KALRN: variants seen among roughly 807,000 people sequenced by gnomAD.
KALRN encodes the protein kalirin.
Under a neutral mutation model 353.7 loss-of-function variants are expected in KALRN, and 70 were observed. The ratio of observed to expected loss-of-function variants is 0.20; its 90% CI spans 0.16 to 0.24. The LOEUF is 0.24. KALRN is among the 10% of genes least tolerant of loss of function. The pLI is 1.00. For missense variants in KALRN, 2,791 were observed against 3,756.7 expected, an observed-to-expected ratio of 0.74 and a Z score of 6.72; for synonymous variants, 1,391 against 1,434.8, an observed-to-expected ratio of 0.97 and a Z score of 0.69.
At chr3:124,533,620 G>A (rs1417864219) in intron 33 of KALRN, among the ~76,000 whole-genome samples, 4 of 152,170 alleles carry the variant, frequency 2.6e-5, no homozygotes, top group Admixed American at 1.3e-4. Context: ...ACTCCAGCCC[G>A]GGTGATGGGA....
At chr3:124,565,777 G>T (rs1995321) in intron 34 of KALRN, among the ~76,000 whole-genome samples, 6 of 152,100 alleles carry the variant, frequency 3.9e-5, no homozygotes, top group South Asian at 2.1e-4. Flanking sequence ...GTGCAACTTC[G>T]CAGGAGCAAA....
chr3:124,036,537 G>A (rs867773974), intron 1 of KALRN, among the ~76,000 whole-genome samples: 4 of 151,750 alleles, frequency 2.6e-5, no homozygotes, highest in East Asian at 1.9e-4. Flanking sequence ...ATGCATATGC[G>A]TTGGTGGAGA....
intron 33 of KALRN, among the ~76,000 whole-genome samples, chr3:124,532,620 A>G (rs1369994952): frequency 1.3e-5 from 2 of 152,148 alleles, no homozygotes; most frequent in Admixed American, 6.5e-5. Flanking sequence ...AGCCTGGCCA[A>G]TGTGGTGAAA....
At chr3:124,587,870 T>A (rs1170811200) in intron 34 of KALRN, among the ~76,000 whole-genome samples, 1 of 147,792 alleles carries the variant, frequency 6.8e-6, no homozygotes, top group African/African-American at 2.4e-5. Flanking sequence ...AATATTTTTA[T>A]TTTTTGTAGA....
At chr3:124,511,305 A>G (rs994021557) in intron 33 of KALRN, among the ~76,000 whole-genome samples, 3 of 152,152 alleles carry the variant, frequency 2.0e-5, no homozygotes, top group South Asian at 4.1e-4. Context: ...CCAACTGTCT[A>G]TGACATAACT....
chr3:124,316,344 G>A (rs537499772), intron 6 of KALRN, among the ~76,000 whole-genome samples: 22 of 118,020 alleles, frequency 1.9e-4, no homozygotes, highest in East Asian at 1.5e-3. Context: ...GGTGAGGTCC[G>A]TTACATCTTG....
At chr3:124,248,443 G>A (rs886714015) in intron 3 of KALRN, among the ~76,000 whole-genome samples, 1 of 152,220 alleles carries the variant, frequency 6.6e-6, no homozygotes, top group African/African-American at 2.4e-5. Context: ...TCTGCCAGGG[G>A]ACGGAGCATG....
rs553855731 is a variant in KALRN, at chr3:124,610,780, G to T, written c.5183-21640G>T. 9.2e-5 allele frequency among the ~76,000 whole-genome samples: 14 copies of T among 152,246 alleles called. 1 individual carries two copies. On this transcript the variant is annotated intron_variant, in intron 34 of 59. Transcript: ENST00000682506. ...AAGCCCAGCACTTTGGGAGGCTGAG[G>T]CAGGAGGATGGCTGGAGCCTAGGAA...
chr3:124,211,539 G>A (rs2076895375), intron 1 of KALRN, among the ~76,000 whole-genome samples: 1 of 152,192 alleles, frequency 6.6e-6, no homozygotes, highest in East Asian at 1.9e-4. Flanking sequence ...TGGCCCTATG[G>A]TGGGCTCACA....
chr3:124,127,212 T>C (rs919283721), intron 1 of KALRN, among the ~76,000 whole-genome samples: 1 of 152,214 alleles, frequency 6.6e-6, no homozygotes, highest in Non-Finnish European at 1.5e-5. Flanking sequence ...ACCTGTCAAA[T>C]ATCTGATAAG....
intron 1 of KALRN, among the ~76,000 whole-genome samples, chr3:124,110,458 T>C (rs1001615806): frequency 5.9e-5 from 4 of 67,748 alleles, no homozygotes; most frequent in African/African-American, 1.9e-4. Context: ...ATTTCATATA[T>C]ACACACGCGC....
chr3:124,704,083 C>G (rs559811722), intron 57 of KALRN, among the ~76,000 whole-genome samples: 1 of 152,324 alleles, frequency 6.6e-6, no homozygotes, highest in Admixed American at 6.5e-5. Context: ...GGCTACCCAA[C>G]TCCAAGCCTG....
chr3:124,605,377 A>C (rs558435317), intron 34 of KALRN, among the ~76,000 whole-genome samples: 1 of 152,080 alleles, frequency 6.6e-6, no homozygotes, highest in African/African-American at 2.4e-5. Flanking sequence ...GTTCAAGACC[A>C]GCCTGGCCAA....
At chr3:124,277,922 C>G (rs919937512) in intron 5 of KALRN, among the ~76,000 whole-genome samples, 1 of 151,998 alleles carries the variant, frequency 6.6e-6, no homozygotes, top group Non-Finnish European at 1.5e-5. Flanking sequence ...TTTCCAGAAT[C>G]TGGGCTGTCA....
intron 16 of KALRN, 40 bp from the exon 17 acceptor site, chr3:124,434,267 G>C: frequency 6.4e-7 from 1 of 1,571,104 alleles, no homozygotes; most frequent in Non-Finnish European, 8.7e-7. Context: ...CCACGCCTGG[G>C]TTGTTCCCAC....
chr3:124,515,106 C>A (rs1228005545), intron 33 of KALRN, among the ~76,000 whole-genome samples: 1 of 152,134 alleles, frequency 6.6e-6, no homozygotes, highest in Non-Finnish European at 1.5e-5. Flanking sequence ...CTTAGTGGAA[C>A]GAGAAAAGGT....
chr3:124,561,084 A>C (rs2071942313), intron 33 of KALRN, among the ~76,000 whole-genome samples: 1 of 152,228 alleles, frequency 6.6e-6, no homozygotes, highest in Non-Finnish European at 1.5e-5. Flanking sequence ...TGATAGTACC[A>C]CCTGGTTATT....
At chr3:124,126,823 A>G (rs1183983776) in intron 1 of KALRN, among the ~76,000 whole-genome samples, 1 of 152,222 alleles carries the variant, frequency 6.6e-6, no homozygotes, top group Non-Finnish European at 1.5e-5. Context: ...AATGGCCAAG[A>G]AAGCCCCTAG....
intron 34 of KALRN, among the ~76,000 whole-genome samples, chr3:124,580,975 G>A (rs1366970502): frequency 1.7e-5 from 2 of 117,852 alleles, no homozygotes; most frequent in East Asian, 5.7e-4. Flanking sequence ...TAATAATAAA[G>A]GAAAGGAAAG....
Sources: gnomAD v4.1 joint callset for allele counts (sites outside exome capture counted in the v4.1 genomes callset) on GRCh38, gnomAD v4.1.1 for gene constraint, MANE v1.5 for transcripts, NCBI Gene and HGNC (gene_info 2026-07-23, HGNC 2026-07-21) for gene names.